The following RBFOX1 variants were observed in gnomAD, a reference collection of about 807,000 sequenced individuals.
RBFOX1 encodes RNA binding protein fox-1 homolog 1.
Under a neutral mutation model 57.7 loss-of-function variants are expected in RBFOX1, and 8 were observed. That is an observed-to-expected ratio of 0.14 (90% CI 0.08 to 0.25). The LOEUF (loss-of-function observed/expected upper bound fraction) is 0.25, where lower values mean the gene tolerates loss of function less well. Ranked by LOEUF, RBFOX1 falls within the 10% of genes least tolerant of loss-of-function variation. RBFOX1 has a pLI of 1.00. For missense variants in RBFOX1, 611 were observed against 548.5 expected, an observed-to-expected ratio of 1.11 and a Z score of -1.14; for synonymous variants, 326 against 222.4, an observed-to-expected ratio of 1.47 and a Z score of -4.15.
rs544633783 is a variant in RBFOX1 at position 6,884,276 on chromosome 16, A to G, written c.-15-167781A>G. Among the ~76,000 whole-genome samples, 21 of 152,178 alleles carry G rather than the reference A, an allele frequency of 1.4e-4. No homozygotes were observed. In the East Asian group the frequency reaches 4.1e-3, roughly 30 times the overall value. On this transcript the variant is annotated intron_variant, in intron 3 of 15. Coordinates refer to ENST00000550418, the MANE Select transcript of RBFOX1 (RefSeq NM_018723.4). ...CAATAAGTATGTGTCCAGCTTTCCA[A>G]ACTCTGGGTACTGTGAAGCAACTGC... is the stretch of plus-strand genomic sequence containing the variant.
chr16:5,598,818 C>A, intron 2 of RBFOX1: 2 of 1,065,106 alleles, frequency 1.9e-6, no homozygotes, highest in South Asian at 1.7e-5. Flanking sequence ...CTGGGTTGTG[C>A]TAAACTGGGT....
intron 4 of RBFOX1, among the ~76,000 whole-genome samples, chr16:5,931,907 G>C (rs1223695681): frequency 1.3e-5 from 2 of 152,178 alleles, no homozygotes; most frequent in East Asian, 3.9e-4. Flanking sequence ...TCCTGGGCTC[G>C]AGCATTCCAC....
At position 6,413,539 on chromosome 16, in the gene RBFOX1, A is replaced by G. The variant is rs564652671; in HGVS notation, c.-64+96482A>G. Among the ~76,000 whole-genome samples, 7 of 152,314 alleles carry G rather than the reference A, an allele frequency of 4.6e-5. No homozygotes were observed. The South Asian group carries it at 1.0e-3, about 23-fold the overall frequency. On this transcript the variant is annotated intron_variant, in intron 2 of 15. Coordinates refer to ENST00000550418, the MANE Select transcript of RBFOX1 (RefSeq NM_018723.4). Reference sequence around the variant, plus strand: ...CTATCATTGCAAATGACTGTTTGCCATATGAAACCTGTGCTTTTGAAATGA... The same window carrying G: ...CTATCATTGCAAATGACTGTTTGCCGTATGAAACCTGTGCTTTTGAAATGA...
intron 3 of RBFOX1, among the ~76,000 whole-genome samples, chr16:7,014,732 G>A (rs2153661624): frequency 6.6e-6 from 1 of 151,188 alleles, no homozygotes; most frequent in Admixed American, 6.6e-5. Flanking sequence ...TCTTTACCAG[G>A]TTGTTTTTTC....
chr16:6,862,914 G>A (rs2059266974), intron 3 of RBFOX1, among the ~76,000 whole-genome samples: 1 of 152,030 alleles, frequency 6.6e-6, no homozygotes. Context: ...GAACCCAGGA[G>A]GCAGAGGTTG....
chr16:5,289,826 C>T (rs1451410665), intron 1 of RBFOX1, among the ~76,000 whole-genome samples: 1 of 152,186 alleles, frequency 6.6e-6, no homozygotes, highest in Admixed American at 6.5e-5. Flanking sequence ...TGTGGCACTT[C>T]TTCAAAAGCT....
At chr16:7,215,134 C>G (rs549405598) in intron 4 of RBFOX1, among the ~76,000 whole-genome samples, 6 of 152,260 alleles carry the variant, frequency 3.9e-5, no homozygotes, top group Admixed American at 3.9e-4. Context: ...GTTCAACTCC[C>G]ACTTATGAGT....
intron 2 of RBFOX1, among the ~76,000 whole-genome samples, chr16:5,489,695 C>T (rs756860292): frequency 3.0e-4 from 46 of 152,158 alleles, no homozygotes; most frequent in Admixed American, 5.2e-4. Context: ...CAGTGCTTGA[C>T]GTGATGACCT....
Position 5,481,246 on chromosome 16 carries a change from G to A in RBFOX1, c.258+13992G>A, listed in dbSNP as rs369635586. ...TGGTGTAATCCAAGGCAGGACTGGGGTCTTCTCTTGAGCATCTTCACCCCA... is the reference window on the plus strand; with the variant it reads ...TGGTGTAATCCAAGGCAGGACTGGGATCTTCTCTTGAGCATCTTCACCCCA... On this transcript the variant is annotated intron_variant, in intron 2 of 2. Transcript: ENST00000585867. 5.3e-5 allele frequency among the ~76,000 whole-genome samples: 8 copies of A among 152,296 alleles called. No individual in the cohort carries two copies. The East Asian group carries it at 1.2e-3, about 22-fold the overall frequency.
chr16:5,409,461 A>T (rs1473340364), intron 1 of RBFOX1, among the ~76,000 whole-genome samples: 4 of 152,252 alleles, frequency 2.6e-5, no homozygotes, highest in East Asian at 1.9e-4. Context: ...TCTTCTTGCA[A>T]AGTAGAAGTT....
At chr16:6,787,448 G>C (rs990639037) in intron 3 of RBFOX1, among the ~76,000 whole-genome samples, 3 of 152,090 alleles carry the variant, frequency 2.0e-5, no homozygotes, top group Non-Finnish European at 2.9e-5. Flanking sequence ...TTTTCTCCTG[G>C]TTATACAGTT....
chr16:5,423,199 A>ACC (rs2067407673), intron 1 of RBFOX1, among the ~76,000 whole-genome samples: 1 of 152,010 alleles, frequency 6.6e-6, no homozygotes, highest in Non-Finnish European at 1.5e-5. Context: ...GAGTCCCATG[A>ACC]ATATTTTCCT....
intron 1 of RBFOX1, among the ~76,000 whole-genome samples, chr16:6,280,345 C>G (rs1042151610): frequency 1.3e-5 from 2 of 152,168 alleles, no homozygotes; most frequent in Non-Finnish European, 1.5e-5. Flanking sequence ...GTTTTCCTCT[C>G]TCTTCCTTTT....
In RBFOX1 at chr16:6,290,267, G is replaced by A. The variant is rs188644524; in HGVS notation, c.-126-26728G>A. Among the ~76,000 whole-genome samples, 39 of 149,230 alleles carry A rather than the reference G, an allele frequency of 2.6e-4. 2 individuals are homozygous for A. Among genetic ancestry groups the A allele is most frequent in the African/African-American group, 9.1e-4 (37 of 40,450 alleles). On this transcript the variant is annotated intron_variant, in intron 1 of 15. Coordinates refer to ENST00000550418, the MANE Select transcript of RBFOX1 (RefSeq NM_018723.4). ...AATAACATGTGCACTAAGAACGAAG[G>A]TGAATATGGAGAAGGGGTAAGAAAA...
chr16:5,430,222 A>G (rs1255759036), intron 1 of RBFOX1, among the ~76,000 whole-genome samples: 1 of 152,132 alleles, frequency 6.6e-6, no homozygotes, highest in Non-Finnish European at 1.5e-5. Flanking sequence ...ACAGCTAATT[A>G]CAGCTGTGGC....
At chr16:6,270,985 G>A (rs529642001) in intron 1 of RBFOX1, among the ~76,000 whole-genome samples, 3 of 152,292 alleles carry the variant, frequency 2.0e-5, no homozygotes, top group African/African-American at 7.2e-5. Context: ...ATAAATAAGT[G>A]TATTGGGCAG....
intron 10 of RBFOX1, among the ~76,000 whole-genome samples, chr16:7,626,316 G>A (rs993836605): frequency 4.6e-5 from 7 of 152,192 alleles, no homozygotes; most frequent in African/African-American, 9.7e-5. Context: ...TCCCCTGCAT[G>A]CCGTATGGAG....
intron 3 of RBFOX1, among the ~76,000 whole-genome samples, chr16:5,734,030 A>G (rs910673528): frequency 2.6e-5 from 4 of 152,180 alleles, no homozygotes; most frequent in African/African-American, 9.7e-5. Flanking sequence ...TTGTCCATGT[A>G]ATAAGAACAT....
Position 5,995,355 on chromosome 16 carries a change from G to C in RBFOX1, c.351+128020G>C, listed in dbSNP as rs550503336. Among the ~76,000 whole-genome samples, 33 of 152,274 alleles carry C rather than the reference G, an allele frequency of 2.2e-4. 1 individual carries two copies. The highest frequency in any genetic ancestry group is 2.2e-3 in the Admixed American group (33 of 15,296). On this transcript the variant is annotated intron_variant, in intron 4 of 19. Transcript: ENST00000641259. The stretch of plus-strand genomic sequence containing the variant: ...AATACCTGAATAGGGCAACTTCTGT[G>C]TAGAAAGGCAAGCTCATTAAGATAG...
Sources: allele counts gnomAD v4.1 joint callset (sites outside exome capture counted in the v4.1 genomes callset), GRCh38; gene constraint gnomAD v4.1.1; transcripts MANE v1.5; gene names NCBI Gene and HGNC (gene_info 2026-07-23, HGNC 2026-07-21).